Variants in SHANK2 observed in about 807,000 individuals in gnomAD.
The protein encoded by SHANK2 is SH3 and multiple ankyrin repeat domains 2.
SHANK2 carries 43 observed loss-of-function variants against 133.7 expected under a neutral mutation model. That is an observed-to-expected ratio of 0.32 (90% CI 0.25 to 0.41). The LOEUF is 0.41. SHANK2 is among the 10% of genes least tolerant of loss of function. The probability of loss-of-function intolerance (pLI) is 1.00; values close to 1 mark genes in which losing one functional copy is unlikely to be tolerated. For synonymous variants in SHANK2, 1,017 were observed against 952.8 expected (o/e 1.07, Z -1.24); for missense variants, 1,994 against 2,235.8 (o/e 0.89, Z 2.18).
intron 1 of SHANK2, among the ~76,000 whole-genome samples, chr11:71,232,399 C>G (rs1487519982): frequency 6.6e-6 from 1 of 152,216 alleles, no homozygotes; most frequent in Non-Finnish European, 1.5e-5. Flanking sequence ...CTATTTCTTA[C>G]AACTGCAATC....
chr11:71,074,753 T>C (rs1205431157), intron 9 of SHANK2, among the ~76,000 whole-genome samples: 2 of 150,964 alleles, frequency 1.3e-5, no homozygotes, highest in Non-Finnish European at 2.9e-5. Context: ...GTTTCTTTTG[T>C]AGTTTGCTGA....
At chr11:70,879,790 A>G (rs891719007) in intron 11 of SHANK2, among the ~76,000 whole-genome samples, 2 of 152,172 alleles carry the variant, frequency 1.3e-5, no homozygotes, top group African/African-American at 2.4e-5. Flanking sequence ...TCCTGGCACC[A>G]GCTGAATGGG....
At chr11:70,908,244 C>T (rs191021931) in intron 10 of SHANK2, among the ~76,000 whole-genome samples, 22 of 152,322 alleles carry the variant, frequency 1.4e-4, no homozygotes, top group African/African-American at 4.8e-4. Context: ...GACTCCCTCA[C>T]GTGACTGCGT....
intron 11 of SHANK2, among the ~76,000 whole-genome samples, chr11:70,855,987 A>G (rs1424677443): frequency 6.6e-6 from 1 of 152,034 alleles, no homozygotes; most frequent in Non-Finnish European, 1.5e-5. Flanking sequence ...GAATAGATGA[A>G]TGGATAGATG....
intron 11 of SHANK2, among the ~76,000 whole-genome samples, chr11:70,825,661 GC>G (rs1235959193): frequency 6.6e-6 from 1 of 152,158 alleles, no homozygotes; most frequent in African/African-American, 2.4e-5. Flanking sequence ...ACGAGCTGGG[GC>G]TGGGAAGTAC....
chr11:71,065,588 A>G (rs1267059168), intron 9 of SHANK2, among the ~76,000 whole-genome samples: 17 of 82,174 alleles, frequency 2.1e-4, no homozygotes, highest in South Asian at 1.5e-3. Flanking sequence ...ACTCTTCCAG[A>G]GAGATGAGCA....
intron 2 of SHANK2, among the ~76,000 whole-genome samples, chr11:71,217,930 C>T (rs1359190679): frequency 2.0e-5 from 3 of 152,040 alleles, no homozygotes; most frequent in Non-Finnish European, 2.9e-5. Context: ...GGCTCACTGC[C>T]AACTCTGCCT....
intron 17 of SHANK2, among the ~76,000 whole-genome samples, chr11:70,547,024 C>T (rs1225188537): frequency 3.9e-5 from 6 of 152,114 alleles, no homozygotes; most frequent in African/African-American, 1.4e-4. Flanking sequence ...GGGATGTCTG[C>T]TCACCCCAGC....
At chr11:70,869,252 G>A (rs188916181) in intron 11 of SHANK2, among the ~76,000 whole-genome samples, 1 of 152,206 alleles carries the variant, frequency 6.6e-6, no homozygotes, top group Non-Finnish European at 1.5e-5. Context: ...AAGCCTCCCT[G>A]TCTGTGGTGC....
At chr11:70,584,327 T>G (rs1352153994) in intron 17 of SHANK2, among the ~76,000 whole-genome samples, 2 of 152,142 alleles carry the variant, frequency 1.3e-5, no homozygotes, top group Non-Finnish European at 2.9e-5. Context: ...TCTTTTATTT[T>G]CTCTTTCTGA....
chr11:70,485,688 A>T lies in SHANK2; in HGVS notation c.4605T>A (p.Asp1535Glu). The T allele has an allele frequency of 6.2e-7, 1 of 1,614,080 alleles. No homozygotes were observed. Among genetic ancestry groups the T allele is most frequent in the South Asian group, 1.1e-5 (1 of 91,086 alleles). The change falls in exon 25 of 26, where the codon GAT becomes GAA. Residue 1535 changes from aspartate (D) to glutamate (E), a missense_variant. By Grantham distance (45) the Asp-to-Glu change is conservative. This residue lies in a region of SHANK2 where 797 missense variants were observed against 907.4 expected (regional missense o/e 0.88). Coordinates refer to ENST00000601538, the MANE Select transcript of SHANK2 (RefSeq NM_012309.5). This position sits in a 1 kb window ranked among gnomAD's most constrained non-coding sequence, Gnocchi z 5.8. Reference protein sequence around the residue: ...ENVDTCTVYADGQAFMVDKPP... With the variant: ...ENVDTCTVYAEGQAFMVDKPP... ...GTTTGTCAACCATAAATGCTTGCCC[A>T]TCTGCATAGACTGTGCAGGTGTCCA...
At chr11:71,113,187 A>G in intron 5 of SHANK2, 106 bp downstream of exon 5, 1 of 994,880 alleles carries the variant, frequency 1.0e-6, no homozygotes, top group Non-Finnish European at 1.5e-6. Flanking sequence ...CATGCCAGGT[A>G]CACAGCAGGT....
chr11:70,639,949 AG>A (rs2061155119), intron 17 of SHANK2, among the ~76,000 whole-genome samples: 1 of 152,092 alleles, frequency 6.6e-6, no homozygotes, highest in Non-Finnish European at 1.5e-5. Flanking sequence ...CATAAGGAGG[AG>A]GGGGCAGGTC....
intron 15 of SHANK2, among the ~76,000 whole-genome samples, chr11:70,684,453 G>A (rs1443473547): frequency 6.6e-6 from 1 of 152,130 alleles, no homozygotes; most frequent in Non-Finnish European, 1.5e-5. Flanking sequence ...CCAGCTACTT[G>A]GGAGGCTGAG....
At chr11:70,476,381 C>T (rs781838349) in intron 25 of SHANK2, among the ~76,000 whole-genome samples, 27 of 139,062 alleles carry the variant, frequency 1.9e-4, no homozygotes, top group Non-Finnish European at 3.6e-4. Context: ...ATAGGATACA[C>T]GAAAAAACCT....
At chr11:71,214,933 C>T (rs1350046915) in intron 2 of SHANK2, among the ~76,000 whole-genome samples, 1 of 152,222 alleles carries the variant, frequency 6.6e-6, no homozygotes, top group Non-Finnish European at 1.5e-5. Flanking sequence ...GCCTTCCACA[C>T]ATCCTCCTCT....
intron 2 of SHANK2, among the ~76,000 whole-genome samples, chr11:71,198,379 G>A (rs77187057): frequency 0.03 from 4,642 of 152,240 alleles, 105 homozygotes; most frequent in African/African-American, 0.062. Context: ...GGCAGCTCTC[G>A]GGTTAAACAA....
chr11:71,155,890 G>A (rs1952899010), intron 2 of SHANK2, among the ~76,000 whole-genome samples: 1 of 152,208 alleles, frequency 6.6e-6, no homozygotes, highest in Admixed American at 6.5e-5. Context: ...CCGGGGCCTG[G>A]AAAAGTGACA....
chr11:71,089,852 C>T (rs1951476407), intron 8 of SHANK2, among the ~76,000 whole-genome samples: 1 of 152,158 alleles, frequency 6.6e-6, no homozygotes, highest in Middle Eastern at 3.2e-3. Flanking sequence ...ATGGCAGGGC[C>T]ATCTGGGGCT....
Sources: allele counts gnomAD v4.1 joint callset (sites outside exome capture counted in the v4.1 genomes callset), GRCh38; gene constraint gnomAD v4.1.1; regional missense constraint gnomAD v4.1.1; non-coding constraint Gnocchi (gnomAD v3.1); transcripts MANE v1.5; gene names NCBI Gene and HGNC (gene_info 2026-07-23, HGNC 2026-07-21).